Variants in SLC43A1 observed in about 807,000 individuals in gnomAD.
SLC43A1 encodes the protein large neutral amino acids transporter small subunit 3.
A neutral mutation model predicts 59.5 loss-of-function variants in SLC43A1; 31 were observed. The ratio of observed to expected loss-of-function variants is 0.52; its 90% CI spans 0.39 to 0.70. SLC43A1 has a LOEUF of 0.70. Among genes scored for constraint, SLC43A1 ranks in the 30% least tolerant of loss-of-function variants. SLC43A1 has a pLI of 0.00. For synonymous variants in SLC43A1, 259 were observed against 290.9 expected (o/e 0.89, Z 1.12); for missense variants, 598 against 717.8 (o/e 0.83, Z 1.91).
At position 57,514,794 on chromosome 11, in the gene SLC43A1, G is replaced by C; in HGVS notation, c.-14+650C>G. The C allele has an allele frequency of 1.0e-6, 1 of 985,266 alleles. No individual in the cohort carries two copies. The highest frequency in any genetic ancestry group is 1.2e-6 in the Non-Finnish European group (1 of 829,810). 61.0% of individuals were successfully genotyped at this position (985,266 alleles called of 1,614,324 possible). A position where few individuals can be genotyped will look rare whatever the true frequency, so the allele number is the denominator to read the frequency against. On this transcript the variant is annotated intron_variant, in intron 1 of 14. Transcript: ENST00000278426. This position sits in a 1 kb window ranked among gnomAD's most constrained non-coding sequence, Gnocchi z 5.5. ...CCCCTCACTCACTCCGCAGGGCTCG[G>C]GGCACCAGGCTTTGCACCTCGGAAC... is the stretch of plus-strand genomic sequence containing the variant.
intron 5 of SLC43A1, 46 bp downstream of exon 5, chr11:57,500,733 C>G: frequency 6.3e-7 from 1 of 1,578,418 alleles, no homozygotes; most frequent in Non-Finnish European, 8.7e-7. Flanking sequence ...CTGCCCTCAC[C>G]CCACTCGGGG....
intron 7 of SLC43A1, among the ~76,000 whole-genome samples, 184 bp downstream of exon 7, chr11:57,495,847 G>A (rs1015629496): frequency 5.3e-5 from 8 of 152,072 alleles, no homozygotes; most frequent in Admixed American, 2.0e-4. Flanking sequence ...AAACAAAAGC[G>A]ACCTGTGGGT....
chr11:57,503,533 G>A (rs1161145120), intron 2 of SLC43A1, among the ~76,000 whole-genome samples: 1 of 152,010 alleles, frequency 6.6e-6, no homozygotes, highest in Non-Finnish European at 1.5e-5. Flanking sequence ...CTGTTGCCCA[G>A]GCTGGTCTCG....
chr11:57,513,360 GC>G (rs1201052656), intron 2 of SLC43A1, among the ~76,000 whole-genome samples: 9 of 152,200 alleles, frequency 5.9e-5, no homozygotes, highest in Non-Finnish European at 1.0e-4. Flanking sequence ...GTAACTCCCT[GC>G]CCCAAGGCAG....
intron 2 of SLC43A1, among the ~76,000 whole-genome samples, chr11:57,510,446 A>T (rs1195732384): frequency 7.7e-6 from 1 of 130,406 alleles, no homozygotes; most frequent in Non-Finnish European, 1.6e-5. Flanking sequence ...CAACAGAGTG[A>T]GACTCCATCT....
chr11:57,487,347 G>T, intron 13 of SLC43A1, 129 bp from the exon 14 acceptor site: 2 of 1,152,926 alleles, frequency 1.7e-6, no homozygotes, highest in Non-Finnish European at 1.2e-6. Flanking sequence ...CGGGCTCTTT[G>T]CATGGGCTCT....
intron 2 of SLC43A1, among the ~76,000 whole-genome samples, chr11:57,511,222 G>A (rs1343086321): frequency 1.3e-5 from 2 of 152,028 alleles, no homozygotes; most frequent in South Asian, 2.1e-4. Flanking sequence ...CCAGGAGTTC[G>A]AGACCAGTCT....
intron 2 of SLC43A1, among the ~76,000 whole-genome samples, chr11:57,510,872 C>A (rs1034177388): frequency 3.3e-5 from 5 of 151,812 alleles, no homozygotes; most frequent in Non-Finnish European, 5.9e-5. Context: ...GGCGCCTGTA[C>A]CTGGGAGGCT....
intron 2 of SLC43A1, among the ~76,000 whole-genome samples, chr11:57,507,585 T>C (rs1944421225): frequency 6.6e-6 from 1 of 152,176 alleles, no homozygotes; most frequent in African/African-American, 2.4e-5. Context: ...TGAAGATGCA[T>C]TGAGCTGTGT....
chr11:57,509,242 A>G (rs1944465844), intron 2 of SLC43A1, among the ~76,000 whole-genome samples: 1 of 152,068 alleles, frequency 6.6e-6, no homozygotes, highest in Non-Finnish European at 1.5e-5. Flanking sequence ...TATATACAAA[A>G]TCAACTCAAA....
chr11:57,507,544 G>C (rs1335483472), intron 2 of SLC43A1, among the ~76,000 whole-genome samples: 1 of 152,198 alleles, frequency 6.6e-6, no homozygotes, highest in African/African-American at 2.4e-5. Flanking sequence ...TTAGGGGGAT[G>C]AGACATGAGG....
chr11:57,494,372 A>G (rs1944016716), intron 7 of SLC43A1: 1 of 527,960 alleles, frequency 1.9e-6, no homozygotes. Flanking sequence ...TGCCAAGTAA[A>G]TGAAGAGTGG....
intron 7 of SLC43A1, 126 bp from the exon 8 acceptor site, chr11:57,494,297 G>T: frequency 1.2e-6 from 1 of 814,542 alleles, no homozygotes. Flanking sequence ...ATGCTCACAA[G>T]CTCCTAATGC....
Position 57,515,222 on chromosome 11 carries a change from G to A in SLC43A1, c.-14+222C>T, listed in dbSNP as rs1277732752. The A allele has an allele frequency of 4.4e-5, 9 of 205,708 alleles. No individual in the cohort carries two copies. Among genetic ancestry groups the A allele is most frequent in the African/African-American group, 1.9e-4 (8 of 42,466 alleles). 12.7% of individuals were successfully genotyped at this position (205,708 alleles called of 1,614,324 possible). ...CAGCTCTAAGCAGAGGAAGTGCAGC[G>A]AGCGGGGACCCGGGAGGAAGAGAAG... On this transcript the variant is annotated intron_variant, in intron 1 of 14. Transcript: ENST00000278426. The surrounding 1 kb of genome is among the most constrained non-coding windows in gnomAD (Gnocchi z 5.3).
At chr11:57,511,298 C>T (rs535059401) in intron 2 of SLC43A1, among the ~76,000 whole-genome samples, 1 of 151,994 alleles carries the variant, frequency 6.6e-6, no homozygotes, top group East Asian at 2.0e-4. Context: ...TGTGTTGATG[C>T]GGGCCTGTAG....
At chr11:57,510,457 CAAAAAAAAAAA>C (rs61412196) in intron 2 of SLC43A1, among the ~76,000 whole-genome samples, 5 of 25,762 alleles carry the variant, frequency 1.9e-4, no homozygotes, top group African/African-American at 4.7e-4. Context: ...GACTCCATCT[CAAAAAAAAAAA>C]AAAAAAAAAA....
intron 14 of SLC43A1, 33 bp from the exon 15 acceptor site, chr11:57,485,275 T>C (rs370209400): frequency 2.5e-5 from 40 of 1,590,060 alleles, no homozygotes; most frequent in Non-Finnish European, 3.3e-5. Flanking sequence ...CAGAGTCAAG[T>C]AGGTAGTCAT....
At chr11:57,513,923 TC>T in intron 2 of SLC43A1, 34 bp downstream of exon 2, 9 of 1,162,178 alleles carry the variant, frequency 7.7e-6, no homozygotes, top group East Asian at 5.3e-5. Flanking sequence ...TTGCCATCCC[TC>T]CCCCCAGCCC....
chr11:57,493,916 T>G, intron 8 of SLC43A1, 77 bp downstream of exon 8: 1 of 1,417,022 alleles, frequency 7.1e-7, no homozygotes. Flanking sequence ...GAATAAATAC[T>G]CAACCATGAG....
Sources: allele counts gnomAD v4.1 joint callset (sites outside exome capture counted in the v4.1 genomes callset), GRCh38; gene constraint gnomAD v4.1.1; non-coding constraint Gnocchi (gnomAD v3.1); transcripts MANE v1.5; gene names NCBI Gene and HGNC (gene_info 2026-07-23, HGNC 2026-07-21).